The following EXOC4 variants were observed in gnomAD, a reference collection of about 807,000 sequenced individuals.
EXOC4 encodes SEC8-like 1.
Under a neutral mutation model 107.2 loss-of-function variants are expected in EXOC4, and 71 were observed. The ratio of observed to expected loss-of-function variants is 0.66; its 90% confidence interval spans 0.55 to 0.81. EXOC4 has a LOEUF of 0.81. Ranked by LOEUF, EXOC4 falls within the 30% of genes least tolerant of loss-of-function variation. The pLI is 0.00. For missense variants in EXOC4, 1,108 were observed against 1,189.6 expected, an observed-to-expected ratio of 0.93 and a Z score of 1.01; for synonymous variants, 456 against 441.2, an observed-to-expected ratio of 1.03 and a Z score of -0.42.
intron 9 of EXOC4, among the ~76,000 whole-genome samples, chr7:133,547,623 C>A (rs1276628594): frequency 6.6e-6 from 1 of 152,162 alleles, no homozygotes; most frequent in Non-Finnish European, 1.5e-5. Context: ...AATTCTAAAT[C>A]CTTTGTTGTC....
chr7:133,311,647 T>A (rs372824581), intron 4 of EXOC4, among the ~76,000 whole-genome samples: 4 of 152,104 alleles, frequency 2.6e-5, no homozygotes, highest in South Asian at 4.1e-4. Flanking sequence ...AAGAAATATA[T>A]TAAATGGTTT....
chr7:133,529,836 G>T (rs1395370019), intron 9 of EXOC4, among the ~76,000 whole-genome samples: 5 of 152,060 alleles, frequency 3.3e-5, no homozygotes, highest in African/African-American at 4.8e-5. Flanking sequence ...TTTCTATTCG[G>T]AGAGTTATTC....
intron 10 of EXOC4, among the ~76,000 whole-genome samples, chr7:133,781,727 G>A (rs1451305734): frequency 6.6e-6 from 1 of 152,160 alleles, no homozygotes; most frequent in Non-Finnish European, 1.5e-5. Context: ...TCTCCCATGC[G>A]AGGCTCAGCA....
chr7:133,671,066 A>G (rs745696314), intron 10 of EXOC4, among the ~76,000 whole-genome samples: 4 of 152,188 alleles, frequency 2.6e-5, no homozygotes, highest in Non-Finnish European at 5.9e-5. Flanking sequence ...CTGGTAGAGG[A>G]CAACAGCCCT....
intron 6 of EXOC4, among the ~76,000 whole-genome samples, chr7:133,361,302 A>G (rs1322530411): frequency 1.3e-5 from 2 of 151,992 alleles, no homozygotes; most frequent in Non-Finnish European, 2.9e-5. Flanking sequence ...TTTTTTGGAG[A>G]CGGAGTCTTG....
At chr7:134,042,490 A>G (rs534571973) in intron 17 of EXOC4, among the ~76,000 whole-genome samples, 199 of 147,312 alleles carry the variant, frequency 1.4e-3, no homozygotes, top group African/African-American at 4.4e-3. Flanking sequence ...AAAAAAAAAA[A>G]GGAAAGTGAA....
At chr7:133,477,667 C>T (rs1305424178) in intron 8 of EXOC4, among the ~76,000 whole-genome samples, 1 of 152,124 alleles carries the variant, frequency 6.6e-6, no homozygotes, top group African/African-American at 2.4e-5. Context: ...TTGTAAATAC[C>T]TGGGAGCAAC....
intron 9 of EXOC4, among the ~76,000 whole-genome samples, chr7:133,515,573 A>G (rs1799859365): frequency 6.6e-6 from 1 of 152,076 alleles, no homozygotes; most frequent in Admixed American, 6.5e-5. Context: ...GGCTCAAGTG[A>G]TCCTCCCACC....
intron 17 of EXOC4, among the ~76,000 whole-genome samples, chr7:134,058,639 C>T (rs900524798): frequency 4.0e-5 from 6 of 148,480 alleles, no homozygotes; most frequent in Non-Finnish European, 5.9e-5. Context: ...GAATTTGAAT[C>T]ACCACAATAC....
At chr7:133,755,584 C>T (rs1795899553) in intron 10 of EXOC4, among the ~76,000 whole-genome samples, 2 of 151,514 alleles carry the variant, frequency 1.3e-5, no homozygotes, top group South Asian at 4.2e-4. Flanking sequence ...CCTCGTGATC[C>T]ACCCGCCTCA....
intron 5 of EXOC4, among the ~76,000 whole-genome samples, chr7:133,319,638 C>T (rs796333866): frequency 1.3e-5 from 2 of 152,096 alleles, no homozygotes; most frequent in African/African-American, 4.8e-5. Flanking sequence ...TACAGGCGTG[C>T]ACCACCACAC....
At chr7:133,917,822 G>A (rs1218719863) in intron 13 of EXOC4, 84 bp downstream of exon 13, 2 of 1,345,658 alleles carry the variant, frequency 1.5e-6, no homozygotes, top group South Asian at 1.5e-5. Context: ...TGAAATTTAG[G>A]CAAATTCTAA....
At chr7:133,772,203 C>T (rs1796258160) in intron 10 of EXOC4, among the ~76,000 whole-genome samples, 1 of 151,950 alleles carries the variant, frequency 6.6e-6, no homozygotes, top group Non-Finnish European at 1.5e-5. Flanking sequence ...TTAGTATGTA[C>T]TCTGCATTCC....
intron 12 of EXOC4, among the ~76,000 whole-genome samples, chr7:133,908,670 A>G (rs1173358987): frequency 2.0e-5 from 3 of 152,152 alleles, no homozygotes; most frequent in African/African-American, 7.2e-5. Context: ...AAAAGTTTAT[A>G]TATGCCAAAT....
At chr7:133,464,260 CTATTATTATCTTT>C in intron 7 of EXOC4, among the ~76,000 whole-genome samples, 1 of 152,132 alleles carries the variant, frequency 6.6e-6, no homozygotes, top group Non-Finnish European at 1.5e-5. Context: ...TGAAGTAGTT[CTATTATTATCTTT>C]TATTATTATT....
chr7:133,357,506 G>A (rs1796048277), intron 6 of EXOC4, among the ~76,000 whole-genome samples: 2 of 152,190 alleles, frequency 1.3e-5, no homozygotes, highest in Non-Finnish European at 2.9e-5. Context: ...ATTTCATATG[G>A]AGAGTACGGA....
chr7:133,562,650 T>C (rs1800831653), intron 9 of EXOC4, among the ~76,000 whole-genome samples: 1 of 152,242 alleles, frequency 6.6e-6, no homozygotes, highest in Non-Finnish European at 1.5e-5. Flanking sequence ...TGAAATATTC[T>C]TGTTTTGTAC....
chr7:134,043,563 G>A (rs1479220281), intron 17 of EXOC4, among the ~76,000 whole-genome samples: 4 of 152,182 alleles, frequency 2.6e-5, no homozygotes, highest in Non-Finnish European at 1.5e-5. Context: ...TCTGGAAAGG[G>A]AGGGACACCC....
At chr7:133,558,681 C>T (rs1800750419) in intron 9 of EXOC4, among the ~76,000 whole-genome samples, 1 of 151,992 alleles carries the variant, frequency 6.6e-6, no homozygotes, top group African/African-American at 2.4e-5. Flanking sequence ...TTTCCGTAGG[C>T]TGTGACTATG....
Sources: allele counts gnomAD v4.1 joint callset (sites outside exome capture counted in the v4.1 genomes callset), GRCh38; gene constraint gnomAD v4.1.1; transcripts MANE v1.5; gene names NCBI Gene and HGNC (gene_info 2026-07-23, HGNC 2026-07-21).